The following PRPS2 variants were observed in gnomAD, a reference collection of about 807,000 sequenced individuals.
PRPS2 encodes ribose-phosphate pyrophosphokinase 2.
For synonymous variants in PRPS2, 111 were observed against 115.3 expected, an observed-to-expected ratio of 0.96 and a Z score of 0.24; for missense variants, 104 against 271.5, an observed-to-expected ratio of 0.38 and a Z score of 4.34.
intron 2 of PRPS2, among the ~76,000 whole-genome samples, chrX:12,808,832 A>G (rs2042608067): frequency 9.0e-6 from 1 of 111,301 alleles, no homozygotes; most frequent in Non-Finnish European, 1.9e-5. Flanking sequence ...CTTAAAAGTG[A>G]TTTCCTCAGA....
chrX:12,819,770 T>C, intron 5 of PRPS2, 90 bp downstream of exon 5: 2 of 1,040,603 alleles, frequency 1.9e-6, no homozygotes, highest in South Asian at 2.5e-5. Flanking sequence ...TTTTCCTGAT[T>C]ATTGCCGGTC....
chrX:12,813,727 A>G (rs771190196), intron 4 of PRPS2, among the ~76,000 whole-genome samples: 20 of 111,225 alleles, frequency 1.8e-4, no homozygotes, highest in African/African-American at 6.5e-4. Context: ...TCTTTTGCCT[A>G]TTGTTCTCTT....
At chrX:12,807,417 G>T (rs1030126225) in intron 2 of PRPS2, among the ~76,000 whole-genome samples, 2 of 112,512 alleles carry the variant, frequency 1.8e-5, no homozygotes, top group African/African-American at 6.5e-5. Flanking sequence ...TTCGACAATT[G>T]TAGGAAAAGC....
intron 2 of PRPS2, among the ~76,000 whole-genome samples, chrX:12,799,940 A>G (rs2147215554): frequency 8.9e-6 from 1 of 112,327 alleles, no homozygotes; most frequent in Admixed American, 9.4e-5. Flanking sequence ...AAGAACAGAA[A>G]TAGTATCATT....
At chrX:12,792,057 C>T (rs2042522272) in intron 1 of PRPS2, among the ~76,000 whole-genome samples, 1 of 113,204 alleles carries the variant, frequency 8.8e-6, no homozygotes, top group Admixed American at 9.2e-5. Context: ...CCAGTTTCCG[C>T]GTCCCTACAA....
intron 4 of PRPS2, 35 bp from the exon 5 acceptor site, chrX:12,819,472 G>T: frequency 8.5e-7 from 1 of 1,181,591 alleles, no homozygotes; most frequent in Non-Finnish European, 1.1e-6. Context: ...ATCTCTAGTT[G>T]ACTGTATGAA....
intron 2 of PRPS2, among the ~76,000 whole-genome samples, chrX:12,802,325 GTGTTTTGTTT>G (rs764841614): frequency 2.1e-3 from 226 of 110,128 alleles, no homozygotes; most frequent in African/African-American, 5.2e-3. Flanking sequence ...GCTATAACTT[GTGTTTTGTTT>G]TGTTTTGTTT....
At chrX:12,799,074 A>T in intron 1 of PRPS2, 133 bp from the exon 2 acceptor site, 1 of 553,863 alleles carries the variant, frequency 1.8e-6, no homozygotes, top group Non-Finnish European at 2.8e-6. Flanking sequence ...GCAATAAATT[A>T]CAGCCATGAG....
At chrX:12,810,850 T>TAA (rs540857235) in intron 4 of PRPS2, among the ~76,000 whole-genome samples, 28 of 89,587 alleles carry the variant, frequency 3.1e-4, no homozygotes, top group Non-Finnish European at 4.5e-4. Flanking sequence ...ACCCTGACTC[T>TAA]AAAAAAAAAA....
chrX:12,804,282 T>C (rs1731460), intron 2 of PRPS2, among the ~76,000 whole-genome samples: 50,283 of 107,243 alleles, frequency 0.47, 8,698 homozygotes, highest in East Asian at 0.66. Context: ...GCTAGGATTA[T>C]AGGTTTGCGC....
intron 4 of PRPS2, 102 bp from the exon 5 acceptor site, chrX:12,819,405 A>G (rs908858237): frequency 1.0e-6 from 1 of 955,548 alleles, no homozygotes; most frequent in Non-Finnish European, 1.4e-6. Flanking sequence ...TGATTCTTGC[A>G]TCATCTCTCG....
chrX:12,819,404 C>A, intron 4 of PRPS2, 103 bp from the exon 5 acceptor site: 2 of 943,613 alleles, frequency 2.1e-6, no homozygotes, highest in Non-Finnish European at 1.5e-6. Context: ...CTGATTCTTG[C>A]ATCATCTCTC....
intron 1 of PRPS2, among the ~76,000 whole-genome samples, chrX:12,792,916 G>C (rs1213497785): frequency 8.9e-6 from 1 of 112,401 alleles, no homozygotes; most frequent in East Asian, 2.8e-4. Flanking sequence ...TAGGATATGT[G>C]AATCTTACGT....
Position 12,802,325 on chromosome X carries a change from G to GTGTTTTGTTT in PRPS2, c.306+2961_306+2970dup, listed in dbSNP as rs764841614. 3.1e-3 allele frequency among the ~76,000 whole-genome samples: 338 copies of GTGTTTTGTTT among 110,127 alleles called. 1 individual carries two copies. Among genetic ancestry groups the GTGTTTTGTTT allele is most frequent in the African/African-American group, 0.011 (316 of 29,913 alleles). On this transcript the variant is annotated intron_variant, in intron 2 of 6. Transcript: ENST00000380668. ...TCTGGAACTCCAGTGGCTATAACTT[G>GTGTTTTGTTT]TGTTTTGTTTTGTTTTGTTTTGTTT...
At chrX:12,795,369 T>C (rs1481602129) in intron 1 of PRPS2, among the ~76,000 whole-genome samples, 1 of 112,022 alleles carries the variant, frequency 8.9e-6, no homozygotes, top group African/African-American at 3.2e-5. Flanking sequence ...AAACAGCCTA[T>C]GTGCTGTGTT....
intron 1 of PRPS2, among the ~76,000 whole-genome samples, chrX:12,796,852 A>ATTTTTT (rs35240522): frequency 2.9e-5 from 1 of 34,239 alleles, no homozygotes; most frequent in Non-Finnish European, 4.8e-5. Flanking sequence ...AGTATTTCAG[A>ATTTTTT]TTTTTTTTTT....
chrX:12,796,368 GCAC>G (rs1263007691), intron 1 of PRPS2, among the ~76,000 whole-genome samples: 1 of 110,056 alleles, frequency 9.1e-6, no homozygotes, highest in East Asian at 2.8e-4. Flanking sequence ...TTACAGGCAT[GCAC>G]CACCACACCT....
intron 4 of PRPS2, among the ~76,000 whole-genome samples, chrX:12,818,746 T>C (rs2042661706): frequency 8.9e-6 from 1 of 112,214 alleles, no homozygotes; most frequent in South Asian, 3.7e-4. Flanking sequence ...TGTCTTGAAA[T>C]AAGTTTCACC....
chrX:12,816,016 C>A (rs1354392243), intron 4 of PRPS2, among the ~76,000 whole-genome samples: 1 of 111,362 alleles, frequency 9.0e-6, no homozygotes, highest in Non-Finnish European at 1.9e-5. Context: ...TTAATTAAAT[C>A]TTTAAGTAAG....
Sources: gnomAD v4.1 joint callset for allele counts (sites outside exome capture counted in the v4.1 genomes callset) on GRCh38, gnomAD v4.1.1 for gene constraint, MANE v1.5 for transcripts, NCBI Gene and HGNC (gene_info 2026-07-23, HGNC 2026-07-21) for gene names.